ZNF75D: variants seen among roughly 807,000 people sequenced by gnomAD.
ZNF75D encodes zinc finger protein 75.
A neutral mutation model predicts 33.3 loss-of-function variants in ZNF75D; 33 were observed. The ratio of observed to expected loss-of-function variants is 0.99; its 90% CI spans 0.75 to 1.32. The LOEUF (loss-of-function observed/expected upper bound fraction) is 1.32, where lower values mean the gene tolerates loss of function less well. Among genes scored for constraint, ZNF75D ranks in the 40% most tolerant of loss-of-function variants. The pLI is 0.00. For synonymous variants in ZNF75D, 113 were observed against 130.6 expected (o/e 0.87, Z 0.92); for missense variants, 338 against 367.5 (o/e 0.92, Z 0.66).
At chrX:135,280,450 C>G (rs1556418340) in intron 1 of ZNF75D, among the ~76,000 whole-genome samples, 2 of 111,773 alleles carry the variant, frequency 1.8e-5, no homozygotes, top group Non-Finnish European at 3.8e-5. Context: ...CAATTTGCCA[C>G]TCTCTGTCTT....
chrX:135,279,675 TG>T (rs1386859027), intron 1 of ZNF75D, among the ~76,000 whole-genome samples: 1 of 112,099 alleles, frequency 8.9e-6, no homozygotes, highest in Non-Finnish European at 1.9e-5. Flanking sequence ...CCAGAGATTC[TG>T]GTACATTGTA....
chrX:135,339,782 G>A (rs1556444018), intron 1 of ZNF75D, among the ~76,000 whole-genome samples: 1 of 111,843 alleles, frequency 8.9e-6, no homozygotes, highest in Non-Finnish European at 1.9e-5. Flanking sequence ...AGCTCTAGAA[G>A]AGCCCTACTC....
chrX:135,267,170 C>T (rs2083866142), intron 1 of ZNF75D, among the ~76,000 whole-genome samples: 1 of 111,016 alleles, frequency 9.0e-6, no homozygotes, highest in Admixed American at 9.6e-5. Flanking sequence ...AGAAGAAAAA[C>T]TTCAAATAAG....
rs1421665266 is a variant in ZNF75D at position 135,272,157 on chromosome X, T to A, written n.828-16380A>T. 2.8e-5 allele frequency among the ~76,000 whole-genome samples: 3 copies of A among 107,830 alleles called. No homozygotes were observed. In the Admixed American group the frequency reaches 3.1e-4, roughly 11 times the overall value. The allele number at this position is 107,830 out of a possible 115,157, so 93.6% of individuals were successfully genotyped here. A position where few individuals can be genotyped will look rare whatever the true frequency, so the allele number is the denominator to read the frequency against. ...CCCTCTTTCTCTTCTTACCAGCATG[T>A]AACTAGCCACATTCTGACCTGCTAA... On this transcript the variant is annotated intron_variant and non_coding_transcript_variant, in intron 1 of 3. Coordinates refer to the ZNF75D transcript ENST00000494295.
intron 1 of ZNF75D, among the ~76,000 whole-genome samples, chrX:135,312,550 T>C (rs1338685689): frequency 8.9e-6 from 1 of 111,891 alleles, no homozygotes; most frequent in Non-Finnish European, 1.9e-5. Flanking sequence ...GATATATTTT[T>C]AGTTTTTTTG....
At chrX:135,267,806 CAAA>C (rs371405813) in intron 1 of ZNF75D, among the ~76,000 whole-genome samples, 1 of 92,558 alleles carries the variant, frequency 1.1e-5, no homozygotes, top group African/African-American at 4.0e-5. Context: ...AAAGATACAC[CAAA>C]AAAAAAAAAA....
intron 1 of ZNF75D, among the ~76,000 whole-genome samples, chrX:135,326,734 C>T (rs961780231): frequency 1.8e-5 from 2 of 111,068 alleles, no homozygotes; most frequent in East Asian, 2.8e-4. Flanking sequence ...ATGAGCCCAC[C>T]GGGAGGAACG....
intron 1 of ZNF75D, among the ~76,000 whole-genome samples, chrX:135,305,702 C>T (rs1003174829): frequency 9.0e-6 from 1 of 111,113 alleles, no homozygotes; most frequent in Non-Finnish European, 1.9e-5. Context: ...GGCTTCTCCA[C>T]GTGCCCACTC....
intron 1 of ZNF75D, chrX:135,297,292 C>T (rs2084145377): frequency 1.8e-5 from 2 of 112,075 alleles, no homozygotes; most frequent in Admixed American, 1.9e-4. Context: ...CATTCAAAAT[C>T]GAAGCTCCCC....
intron 1 of ZNF75D, among the ~76,000 whole-genome samples, chrX:135,276,858 T>G: frequency 8.9e-6 from 1 of 112,165 alleles, no homozygotes; most frequent in Middle Eastern, 4.6e-3. Flanking sequence ...TTCCGTGGTG[T>G]ATATGTGTCA....
chrX:135,296,256 G>C (rs1282977806), intron 1 of ZNF75D, among the ~76,000 whole-genome samples: 2 of 111,458 alleles, frequency 1.8e-5, no homozygotes, highest in South Asian at 7.6e-4. Flanking sequence ...AGCCCTGCTG[G>C]AAGCCTAGAG....
intron 1 of ZNF75D, among the ~76,000 whole-genome samples, chrX:135,326,493 C>T (rs782223816): frequency 8.9e-5 from 10 of 112,000 alleles, no homozygotes; most frequent in South Asian, 3.7e-4. Flanking sequence ...ACAGACCACT[C>T]GGCTCTACCA....
chrX:135,249,307 A>G (rs1556413442), intron 3 of ZNF75D: 2 of 262,048 alleles, frequency 7.6e-6, no homozygotes, highest in African/African-American at 2.9e-5. Flanking sequence ...GGGACCTGTG[A>G]AAGTTGATAG....
intron 1 of ZNF75D, among the ~76,000 whole-genome samples, chrX:135,338,426 G>A: frequency 8.9e-6 from 1 of 112,128 alleles, no homozygotes; most frequent in East Asian, 2.8e-4. Context: ...CTTTAACTCA[G>A]GTTTTCTTAA....
chrX:135,273,553 T>C (rs1174165117), intron 1 of ZNF75D, among the ~76,000 whole-genome samples: 6 of 111,043 alleles, frequency 5.4e-5, no homozygotes, highest in Admixed American at 9.6e-5. Context: ...AGTCAGGGAT[T>C]ACACACAGGA....
intron 1 of ZNF75D, among the ~76,000 whole-genome samples, chrX:135,328,780 T>C (rs2084614763): frequency 8.9e-6 from 1 of 112,407 alleles, no homozygotes; most frequent in Non-Finnish European, 1.9e-5. Flanking sequence ...GTCTGTTCTC[T>C]TTCCTTGAAC....
At chrX:135,302,137 G>T (rs7058493) in intron 1 of ZNF75D, among the ~76,000 whole-genome samples, 104 of 112,227 alleles carry the variant, frequency 9.3e-4, no homozygotes, top group Non-Finnish European at 1.7e-3. Context: ...ATGAAGCGGG[G>T]ATATGTGCAT....
intron 1 of ZNF75D, among the ~76,000 whole-genome samples, chrX:135,265,417 C>T (rs1479923310): frequency 1.8e-5 from 2 of 110,762 alleles, no homozygotes; most frequent in South Asian, 3.9e-4. Flanking sequence ...AATAATCAAG[C>T]TCTCAGAGGT....
At chrX:135,262,281 T>A (rs782608394) in intron 1 of ZNF75D, among the ~76,000 whole-genome samples, 1 of 111,678 alleles carries the variant, frequency 9.0e-6, no homozygotes, top group East Asian at 2.8e-4. Flanking sequence ...TTGGGGTTGC[T>A]CTTCTCCTGG....
Sources: allele counts gnomAD v4.1 joint callset (sites outside exome capture counted in the v4.1 genomes callset), GRCh38; gene constraint gnomAD v4.1.1; transcripts MANE v1.5; gene names NCBI Gene and HGNC (gene_info 2026-07-23, HGNC 2026-07-21).